Variants in FRMPD4 observed in about 807,000 individuals in gnomAD.
FRMPD4 encodes the protein FERM and PDZ domain-containing protein 4.
Under a neutral mutation model 94.1 loss-of-function variants are expected in FRMPD4, and 22 were observed. The observed-to-expected ratio is 0.23, with a 90% CI of 0.17 to 0.33. The LOEUF (loss-of-function observed/expected upper bound fraction) is 0.33, where lower values mean the gene tolerates loss of function less well. FRMPD4 is among the 10% of genes least tolerant of loss of function. The pLI is 1.00. For synonymous variants in FRMPD4, 631 were observed against 548.6 expected (o/e 1.15, Z -2.10); for missense variants, 1,111 against 1,339.9 (o/e 0.83, Z 2.67).
intron 5 of FRMPD4, among the ~76,000 whole-genome samples, chrX:12,682,175 A>T (rs1349682929): frequency 2.7e-5 from 3 of 112,709 alleles, no homozygotes; most frequent in Non-Finnish European, 3.7e-5. Flanking sequence ...TATTGTACAG[A>T]TGGACCACAT....
At chrX:12,203,163 A>T in intron 1 of FRMPD4, among the ~76,000 whole-genome samples, 1 of 111,468 alleles carries the variant, frequency 9.0e-6, no homozygotes, top group Non-Finnish European at 1.9e-5. Flanking sequence ...TTGTAGCTTT[A>T]TTCATGTGTT....
At chrX:12,113,635 G>A (rs751631338) in intron 3 of FRMPD4, among the ~76,000 whole-genome samples, 8 of 111,797 alleles carry the variant, frequency 7.2e-5, no homozygotes, top group South Asian at 3.8e-4. Flanking sequence ...GTCCCTCTCC[G>A]TAATCCAAGA....
intron 4 of FRMPD4, among the ~76,000 whole-genome samples, chrX:12,655,697 C>T (rs2059647258): frequency 1.8e-5 from 2 of 112,069 alleles, no homozygotes; most frequent in Admixed American, 1.9e-4. Context: ...TGATATTTAA[C>T]TTATCAAAGA....
At chrX:12,601,007 AC>A (rs1042355291) in intron 2 of FRMPD4, among the ~76,000 whole-genome samples, 1 of 112,502 alleles carries the variant, frequency 8.9e-6, no homozygotes, top group Non-Finnish European at 1.9e-5. Context: ...TTTGGAGAAA[AC>A]TAAAATTATC....
chrX:12,330,858 G>C, intron 1 of FRMPD4, among the ~76,000 whole-genome samples: 1 of 111,872 alleles, frequency 8.9e-6, no homozygotes, highest in Non-Finnish European at 1.9e-5. Context: ...ACACTCGCTA[G>C]GGCTAGACAC....
At chrX:12,142,903 A>G (rs2055711245) in intron 1 of FRMPD4, among the ~76,000 whole-genome samples, 1 of 112,097 alleles carries the variant, frequency 8.9e-6, no homozygotes, top group South Asian at 3.7e-4. Context: ...TGACCTGGAA[A>G]GTCTCACTTT....
chrX:11,864,222 T>C (rs1051159333), intron 1 of FRMPD4, among the ~76,000 whole-genome samples: 1 of 109,597 alleles, frequency 9.1e-6, no homozygotes, highest in African/African-American at 3.3e-5. Flanking sequence ...CGGGAATAAC[T>C]GAAATGAATA....
chrX:12,153,071 C>CT (rs1311584465), intron 1 of FRMPD4, among the ~76,000 whole-genome samples: 1 of 109,681 alleles, frequency 9.1e-6, no homozygotes, highest in Non-Finnish European at 1.9e-5. Context: ...GTAGATGGGA[C>CT]TACAGGCACC....
chrX:12,021,010 A>G (rs1453896123), intron 3 of FRMPD4, among the ~76,000 whole-genome samples: 1 of 112,068 alleles, frequency 8.9e-6, no homozygotes, highest in African/African-American at 3.2e-5. Flanking sequence ...GAGCTGTGCT[A>G]TTCAAGAATC....
intron 3 of FRMPD4, among the ~76,000 whole-genome samples, chrX:11,968,366 A>C: frequency 9.0e-6 from 1 of 111,515 alleles, no homozygotes; most frequent in African/African-American, 3.3e-5. Context: ...TTCAGTAGGG[A>C]TGGTACCATG....
chrX:12,270,594 T>TA (rs1351232699), intron 1 of FRMPD4, among the ~76,000 whole-genome samples: 1 of 112,079 alleles, frequency 8.9e-6, no homozygotes, highest in Non-Finnish European at 1.9e-5. Context: ...TAGAGATAGA[T>TA]ATATACATAT....
chrX:12,431,329 G>T (rs1479221242), intron 1 of FRMPD4, among the ~76,000 whole-genome samples: 1 of 112,129 alleles, frequency 8.9e-6, no homozygotes, highest in African/African-American at 3.2e-5. Context: ...TTCTATAAAG[G>T]AAATAGGTGG....
chrX:12,687,344 T>C (rs2060035789), intron 7 of FRMPD4, among the ~76,000 whole-genome samples: 1 of 112,323 alleles, frequency 8.9e-6, no homozygotes, highest in African/African-American at 3.2e-5. Context: ...ACAGGTCTTC[T>C]TCCCTTTTTC....
intron 1 of FRMPD4, among the ~76,000 whole-genome samples, chrX:12,151,305 T>C (rs781538751): frequency 3.4e-4 from 38 of 111,823 alleles, no homozygotes; most frequent in African/African-American, 1.1e-3. Context: ...TACTTAACTC[T>C]GTAAAGTGGT....
chrX:12,263,698 T>C (rs2054230033), intron 1 of FRMPD4, among the ~76,000 whole-genome samples: 1 of 110,623 alleles, frequency 9.0e-6, no homozygotes, highest in African/African-American at 3.3e-5. Context: ...ATGTTGAGGG[T>C]GCAACCAACA....
chrX:12,092,177 A>T lies in FRMPD4; in HGVS notation c.95+214159A>T, dbSNP rs750716228. Among the ~76,000 whole-genome samples the T allele has an allele frequency of 1.3e-4, 15 of 112,253 alleles. No homozygotes were observed. The South Asian group carries it at 5.2e-3, about 39-fold the overall frequency. On this transcript the variant is annotated intron_variant, in intron 3 of 18. Coordinates refer to the FRMPD4 transcript ENST00000640291. ...CTGCTGCCTCTTTCTTCTTATAATG[A>T]ATTCTATCATTGGACATAAACATAG... is the stretch of plus-strand genomic sequence containing the variant.
At chrX:12,622,027 G>GAAGA (rs2059301090) in intron 4 of FRMPD4, among the ~76,000 whole-genome samples, 1 of 42,176 alleles carries the variant, frequency 2.4e-5, no homozygotes, top group African/African-American at 1.6e-4. Context: ...AGGAAGGAAG[G>GAAGA]AAGGAAGGAA....
chrX:12,494,145 T>C (rs73438746), intron 1 of FRMPD4, among the ~76,000 whole-genome samples: 3,045 of 112,275 alleles, frequency 0.027, 117 homozygotes, highest in African/African-American at 0.093. Context: ...CCAGGTACTA[T>C]ACTAAGAATT....
At chrX:12,453,832 A>G (rs149158768) in intron 1 of FRMPD4, among the ~76,000 whole-genome samples, 1 of 112,304 alleles carries the variant, frequency 8.9e-6, no homozygotes, top group African/African-American at 3.2e-5. Flanking sequence ...TTATGAGTTT[A>G]TTTATACAAC....
Sources: allele counts gnomAD v4.1 joint callset (sites outside exome capture counted in the v4.1 genomes callset), GRCh38; gene constraint gnomAD v4.1.1; transcripts MANE v1.5; gene names NCBI Gene and HGNC (gene_info 2026-07-23, HGNC 2026-07-21).